Variants in KAZN observed in about 807,000 individuals in gnomAD.
KAZN encodes kazrin.
KAZN carries 40 observed loss-of-function variants against 87.4 expected under a neutral mutation model. The ratio of observed to expected loss-of-function variants is 0.46; its 90% CI spans 0.36 to 0.60. The LOEUF is 0.60. Among genes scored for constraint, KAZN ranks in the 20% least tolerant of loss-of-function variants. KAZN has a pLI of 0.00. For synonymous variants in KAZN, 466 were observed against 458.3 expected (o/e 1.02, Z -0.22); for missense variants, 898 against 1,073.9 (o/e 0.84, Z 2.29).
intron 2 of KAZN, among the ~76,000 whole-genome samples, chr1:14,501,287 G>A (rs1670238255): frequency 6.6e-6 from 1 of 151,944 alleles, no homozygotes; most frequent in African/African-American, 2.4e-5. Flanking sequence ...GCAAGAGAAA[G>A]AAAAAAGTAT....
intron 1 of KAZN, among the ~76,000 whole-genome samples, chr1:14,150,368 C>T (rs1183248315): frequency 1.3e-5 from 2 of 152,174 alleles, no homozygotes; most frequent in East Asian, 1.9e-4. Context: ...TTTAATACCC[C>T]TTTATGGTAG....
intron 1 of KAZN, among the ~76,000 whole-genome samples, chr1:14,727,188 G>A (rs559808370): frequency 7.7e-4 from 117 of 152,276 alleles, no homozygotes; most frequent in African/African-American, 2.7e-3. Flanking sequence ...CTCATGTTCA[G>A]TACATCTGTT....
At chr1:14,043,111 T>G in intron 1 of KAZN, among the ~76,000 whole-genome samples, 1 of 152,232 alleles carries the variant, frequency 6.6e-6, no homozygotes, top group Admixed American at 6.5e-5. Flanking sequence ...CCATTCTACT[T>G]CTGTCTCAAT....
In KAZN at chr1:14,016,069, G is replaced by T. The variant is rs140548534; in HGVS notation, c.91+122313G>T. On this transcript the variant is annotated intron_variant, in intron 1 of 16. Coordinates refer to the KAZN transcript ENST00000636203. ...CTCTTTAAGAATGCAATGGTTCTGA[G>T]CCTTGTTGCTAGGCTAGCTGTGTTT... Among the ~76,000 whole-genome samples the T allele has an allele frequency of 2.3e-3, 349 of 152,220 alleles. 9 individuals carry two copies. Among genetic ancestry groups the T allele is most frequent in the Admixed American group, 0.02 (313 of 15,290 alleles).
intron 2 of KAZN, among the ~76,000 whole-genome samples, chr1:14,344,229 A>G (rs1657948015): frequency 6.8e-6 from 1 of 146,326 alleles, no homozygotes; most frequent in Non-Finnish European, 1.5e-5. Context: ...TAAGACAGTC[A>G]CCATCAGTCA....
chr1:14,993,595 C>A (rs1055529676), intron 2 of KAZN, among the ~76,000 whole-genome samples: 2 of 152,194 alleles, frequency 1.3e-5, no homozygotes, highest in Non-Finnish European at 2.9e-5. Context: ...GGCCTGCACT[C>A]TCCCCCACTC....
At chr1:14,967,105 G>C (rs1664542646) in intron 2 of KAZN, among the ~76,000 whole-genome samples, 1 of 152,184 alleles carries the variant, frequency 6.6e-6, no homozygotes, top group South Asian at 2.1e-4. Flanking sequence ...GTGAACTCGA[G>C]GGTCACACCA....
Position 15,096,428 on chromosome 1 carries a change from C to G in KAZN, c.1547+1495C>G, listed in dbSNP as rs1386369285. On this transcript the variant is annotated intron_variant, in intron 10 of 14. Coordinates refer to ENST00000376030, the MANE Select transcript of KAZN (RefSeq NM_201628.3). This position sits in a 1 kb window ranked among gnomAD's most constrained non-coding sequence, Gnocchi z 4.5. Reference sequence around the variant, plus strand: ...ATGCATGGGGGGAGGACGTCCCCACCGTCCTCTGCCTCCCAGGGGTGCGGC... The same window carrying G: ...ATGCATGGGGGGAGGACGTCCCCACGGTCCTCTGCCTCCCAGGGGTGCGGC... 2.0e-5 allele frequency among the ~76,000 whole-genome samples: 3 copies of G among 152,334 alleles called. No homozygotes were observed. Among genetic ancestry groups the G allele is most frequent in the African/African-American group, 7.2e-5 (3 of 41,572 alleles).
chr1:14,861,668 TG>T (rs1032745647), intron 1 of KAZN, among the ~76,000 whole-genome samples: 3 of 152,144 alleles, frequency 2.0e-5, no homozygotes, highest in Admixed American at 6.6e-5. Flanking sequence ...GGCATGGGGC[TG>T]GGGTCCTGAG....
intron 1 of KAZN, among the ~76,000 whole-genome samples, chr1:14,908,831 A>G (rs1426597051): frequency 6.6e-6 from 1 of 152,052 alleles, no homozygotes; most frequent in Non-Finnish European, 1.5e-5. Flanking sequence ...CCTGGTCAAC[A>G]TGGTGAAACC....
intron 1 of KAZN, among the ~76,000 whole-genome samples, chr1:14,137,759 A>T (rs1230239217): frequency 1.8e-5 from 2 of 112,306 alleles, no homozygotes; most frequent in Non-Finnish European, 3.3e-5. Context: ...CCCAGGCTGG[A>T]GTGCAATGGG....
intron 8 of KAZN, among the ~76,000 whole-genome samples, chr1:15,080,613 A>G (rs1353484406): frequency 6.6e-6 from 1 of 152,214 alleles, no homozygotes; most frequent in African/African-American, 2.4e-5. Flanking sequence ...AAGCATCTAC[A>G]TCCAACAGGG....
intron 1 of KAZN, among the ~76,000 whole-genome samples, chr1:13,909,018 C>T (rs1035737724): frequency 2.6e-5 from 4 of 152,178 alleles, no homozygotes; most frequent in East Asian, 3.8e-4. Flanking sequence ...TCTTGGTACA[C>T]GCAGGTGGGT....
chr1:14,415,087 T>C (rs1316075868), intron 2 of KAZN, among the ~76,000 whole-genome samples: 1 of 152,194 alleles, frequency 6.6e-6, no homozygotes, highest in Non-Finnish European at 1.5e-5. Context: ...GCTTCAATTG[T>C]ATCTACAAAA....
chr1:13,948,670 C>G (rs1228026181), intron 1 of KAZN, among the ~76,000 whole-genome samples: 1 of 152,110 alleles, frequency 6.6e-6, no homozygotes, highest in Non-Finnish European at 1.5e-5. Flanking sequence ...CCCCCAAGAC[C>G]TCTTTGTGGC....
intron 1 of KAZN, among the ~76,000 whole-genome samples, chr1:14,954,622 A>G: frequency 6.6e-6 from 1 of 152,220 alleles, no homozygotes; most frequent in South Asian, 2.1e-4. Flanking sequence ...AAATGTGGCT[A>G]GAGAAACTGA....
intron 1 of KAZN, among the ~76,000 whole-genome samples, chr1:14,917,199 C>T (rs1017565918): frequency 3.3e-5 from 5 of 152,138 alleles, no homozygotes; most frequent in African/African-American, 1.2e-4. Flanking sequence ...CAGGGTGGAC[C>T]CCGAGTAAAA....
intron 1 of KAZN, among the ~76,000 whole-genome samples, chr1:13,897,499 G>A (rs1217544756): frequency 6.6e-6 from 1 of 152,118 alleles, no homozygotes; most frequent in East Asian, 1.9e-4. Context: ...CATGTATGTA[G>A]GGGTTGCTTC....
intron 1 of KAZN, among the ~76,000 whole-genome samples, chr1:14,768,691 A>C (rs1644947221): frequency 1.3e-5 from 2 of 152,206 alleles, no homozygotes; most frequent in African/African-American, 4.8e-5. Flanking sequence ...ATAATCCTAG[A>C]GCTCACAGAA....
Sources: gnomAD v4.1 joint callset for allele counts (sites outside exome capture counted in the v4.1 genomes callset) on GRCh38, gnomAD v4.1.1 for gene constraint, Gnocchi (gnomAD v3.1) non-coding constraint, MANE v1.5 for transcripts, NCBI Gene and HGNC (gene_info 2026-07-23, HGNC 2026-07-21) for gene names.